Variants in FYB1 observed in about 807,000 individuals in gnomAD.
FYB1 encodes the protein FYN-binding protein 1.
In FYB1, 41 loss-of-function variants were observed where a neutral mutation model predicts 94.1. That is an observed-to-expected ratio of 0.44 (90% CI 0.34 to 0.57). The LOEUF is 0.57. FYB1 is among the 20% of genes least tolerant of loss of function. The pLI, the probability that FYB1 is intolerant of heterozygous loss-of-function variation, is 0.02. For synonymous variants in FYB1, 367 were observed against 353.2 expected (o/e 1.04, Z -0.44); for missense variants, 1,050 against 976.8 (o/e 1.07, Z -1.00).
intron 1 of FYB1, among the ~76,000 whole-genome samples, chr5:39,228,457 C>T (rs1750576423): frequency 1.3e-5 from 2 of 152,138 alleles, no homozygotes; most frequent in Admixed American, 1.3e-4. Context: ...GTCTACCCCT[C>T]ATGGGACAAA....
intron 1 of FYB1, among the ~76,000 whole-genome samples, chr5:39,256,894 G>T (rs1751966251): frequency 6.6e-6 from 1 of 152,150 alleles, no homozygotes; most frequent in African/African-American, 2.4e-5. Flanking sequence ...TTTCAAAGTT[G>T]CAATGAGTAA....
chr5:39,166,517 C>A (rs1561201662), intron 2 of FYB1, among the ~76,000 whole-genome samples: 1 of 151,438 alleles, frequency 6.6e-6, no homozygotes. Context: ...GTACTATTCA[C>A]AATAGCAAAG....
chr5:39,169,925 G>T (rs1745094782), intron 2 of FYB1: 1 of 630,382 alleles, frequency 1.6e-6, no homozygotes. Flanking sequence ...CTCCCAGTAG[G>T]CTCCTTCTGT....
chr5:39,105,695 A>G lies in FYB1; in HGVS notation c.*1748T>C, dbSNP rs1237815827. ...TCCTGTCTGTGTATTATATATATTT[A>G]TTACCAAATTTAATAAACAAAAACC... On this transcript the variant is annotated 3_prime_UTR_variant, in exon 19 of 19. Coordinates refer to ENST00000512982, the MANE Select transcript of FYB1 (RefSeq NM_001465.6). 1 of 152,180 alleles carries G rather than the reference A, an allele frequency of 6.6e-6. No individual in the cohort carries two copies. The highest frequency in any genetic ancestry group is 1.9e-4 in the East Asian group (1 of 5,198). 9.4% of individuals were successfully genotyped at this position (152,180 alleles called of 1,614,324 possible). A position where few individuals can be genotyped will look rare whatever the true frequency, so the allele number is the denominator to read the frequency against.
chr5:39,254,781 A>T (rs1477865320), intron 1 of FYB1, among the ~76,000 whole-genome samples: 2 of 152,206 alleles, frequency 1.3e-5, no homozygotes, highest in African/African-American at 4.8e-5. Flanking sequence ...AGGCATTGAC[A>T]AGAGAAATGC....
chr5:39,182,283 ATGCATGTGTGTGTGTG>A (rs1746314928), intron 2 of FYB1, among the ~76,000 whole-genome samples: 1 of 119,922 alleles, frequency 8.3e-6, no homozygotes, highest in Non-Finnish European at 1.7e-5. Flanking sequence ...GTGTGTGTGC[ATGCATGTGTGTGTGTG>A]TGTGTGTGTG....
chr5:39,156,762 C>T (rs924642863), intron 2 of FYB1, among the ~76,000 whole-genome samples: 5 of 152,042 alleles, frequency 3.3e-5, no homozygotes, highest in African/African-American at 7.2e-5. Context: ...TAATGTCTAA[C>T]GATTGACATT....
intron 2 of FYB1, among the ~76,000 whole-genome samples, chr5:39,160,092 TAGG>T (rs1417958734): frequency 6.6e-6 from 1 of 152,234 alleles, no homozygotes; most frequent in Non-Finnish European, 1.5e-5. Context: ...ATGAAAGGCT[TAGG>T]TTTAAATTCA....
In FYB1 at chr5:39,217,860, CTT is replaced by C. The variant is rs546839669; in HGVS notation, c.-28+1581_-28+1582del. Among the ~76,000 whole-genome samples the C allele has an allele frequency of 4.1e-4, 62 of 152,356 alleles. 1 individual carries two copies. In the South Asian group the frequency reaches 5.0e-3, roughly 12 times the overall value. On this transcript the variant is annotated intron_variant, in intron 1 of 18. Coordinates refer to ENST00000512982, the MANE Select transcript of FYB1 (RefSeq NM_001465.6). The stretch of plus-strand genomic sequence containing the variant: ...ATTTCTACATCCCTGATCTCTCTCT[CTT>C]GTTAACGTATTGTGTAAATGGTGGA...
chr5:39,118,245 G>A (rs986171854), intron 16 of FYB1, among the ~76,000 whole-genome samples: 1 of 152,040 alleles, frequency 6.6e-6, no homozygotes, highest in Non-Finnish European at 1.5e-5. Flanking sequence ...CAAAGGAGAT[G>A]GGAACTTTTT....
At chr5:39,205,571 G>A (rs568582861) in intron 1 of FYB1, among the ~76,000 whole-genome samples, 1 of 152,290 alleles carries the variant, frequency 6.6e-6, no homozygotes, top group South Asian at 2.1e-4. Flanking sequence ...GCAACTTTAT[G>A]TCTTGGATTT....
At position 39,196,886 on chromosome 5, in the gene FYB1, T is replaced by C. The variant is rs142609907; in HGVS notation, c.1135+4940A>G. 2.4e-3 allele frequency among the ~76,000 whole-genome samples: 365 copies of C among 152,366 alleles called. 2 individuals carry two copies. Among genetic ancestry groups the C allele is most frequent in the African/African-American group, 8.1e-3 (335 of 41,596 alleles). On this transcript the variant is annotated intron_variant, in intron 2 of 18. Coordinates refer to ENST00000512982, the MANE Select transcript of FYB1 (RefSeq NM_001465.6). Reference sequence around the variant, plus strand: ...CTAACCTCTCTGAGCTTTAGTTTACTCATAGAATTCCTATTCATGGCTTGA... The same window carrying C: ...CTAACCTCTCTGAGCTTTAGTTTACCCATAGAATTCCTATTCATGGCTTGA...
At chr5:39,147,871 G>C (rs1051159111) in intron 3 of FYB1, among the ~76,000 whole-genome samples, 1 of 150,672 alleles carries the variant, frequency 6.6e-6, no homozygotes, top group East Asian at 2.0e-4. Flanking sequence ...TAGTAGAGAC[G>C]GGGTTTCACC....
intron 2 of FYB1, among the ~76,000 whole-genome samples, chr5:39,159,925 A>G (rs1489612121): frequency 2.6e-5 from 4 of 152,176 alleles, no homozygotes; most frequent in African/African-American, 9.7e-5. Context: ...TCAACTCTAT[A>G]GAAGAACAAC....
chr5:39,187,999 G>T (rs1387137449), intron 2 of FYB1, among the ~76,000 whole-genome samples: 3 of 152,120 alleles, frequency 2.0e-5, no homozygotes, highest in Non-Finnish European at 2.9e-5. Context: ...GGGAGAGGGT[G>T]GCAAGAGTCG....
Position 39,107,451 on chromosome 5 carries a change from T to C in FYB1, c.2482A>G (p.Asn828Asp). Residue 828 changes from asparagine to aspartate, a missense_variant, in exon 19 of 19, where the codon AAT becomes GAT. Physicochemically the swap from Asn to Asp is conservative, Grantham distance 23 (BLOSUM62 1). Coordinates refer to ENST00000512982, the MANE Select transcript of FYB1 (RefSeq NM_001465.6). Reference sequence around the variant, plus strand: ...ATGACCAAAGTTGAGTGCTAGTCATTGTCATAGATGCAGCCTGAAAGGAAA... The same window carrying C: ...ATGACCAAAGTTGAGTGCTAGTCATCGTCATAGATGCAGCCTGAAAGGAAA... ...DDIADGCIYD[N>D]D 4 of 1,527,170 alleles carry C rather than the reference T, an allele frequency of 2.6e-6. No homozygotes were observed. The highest frequency in any genetic ancestry group is 3.5e-6 in the Non-Finnish European group (4 of 1,132,828). The allele number at this position is 1,527,170 out of a possible 1,614,324, so 94.6% of individuals were successfully genotyped here.
intron 1 of FYB1, among the ~76,000 whole-genome samples, chr5:39,207,374 T>C (rs1748956314): frequency 6.6e-6 from 1 of 152,242 alleles, no homozygotes; most frequent in African/African-American, 2.4e-5. Flanking sequence ...CTCAGAATTA[T>C]GTCTCTTCAG....
rs897085590 is a variant in FYB1 at position 39,106,157 on chromosome 5, T to C, written c.*1286A>G. Reference sequence around the variant, plus strand: ...GGAGCATTATAAAAGCCTAAGGTAATTGGTAGTGAAGAGTTGGAAAAACTT... The same window carrying C: ...GGAGCATTATAAAAGCCTAAGGTAACTGGTAGTGAAGAGTTGGAAAAACTT... On this transcript the variant is annotated 3_prime_UTR_variant, in exon 19 of 19. Transcript: ENST00000512982. 1 of 152,094 alleles carries C rather than the reference T, an allele frequency of 6.6e-6. No individual in the cohort carries two copies. Among genetic ancestry groups the C allele is most frequent in the African/African-American group, 2.4e-5 (1 of 41,418 alleles). 9.4% of individuals were successfully genotyped at this position (152,094 alleles called of 1,614,324 possible).
At chr5:39,222,573 T>TA (rs1321838645), upstream of FYB1, among the ~76,000 whole-genome samples, 6 of 152,214 alleles carry the variant, frequency 3.9e-5, no homozygotes, top group Non-Finnish European at 5.9e-5. Context: ...AGTTTTAGTT[T>TA]AAAAAACTGA....
Sources: gnomAD v4.1 joint callset for allele counts (sites outside exome capture counted in the v4.1 genomes callset) on GRCh38, gnomAD v4.1.1 for gene constraint, MANE v1.5 for transcripts, NCBI Gene and HGNC (gene_info 2026-07-23, HGNC 2026-07-21) for gene names.